Variants in RTN1 observed in about 807,000 individuals in gnomAD.
RTN1 encodes reticulon-1.
In RTN1, 25 loss-of-function variants were observed where a neutral mutation model predicts 65.5. The ratio of observed to expected loss-of-function variants is 0.38; its 90% CI spans 0.28 to 0.53. The LOEUF (loss-of-function observed/expected upper bound fraction) is 0.53, where lower values mean the gene tolerates loss of function less well. Among genes scored for constraint, RTN1 ranks in the 20% least tolerant of loss-of-function variants. The pLI is 0.79. For synonymous variants in RTN1, 471 were observed against 447.6 expected (o/e 1.05, Z -0.66); for missense variants, 983 against 1,025.4 (o/e 0.96, Z 0.57).
chr14:59,685,937 G>C (rs138841682), intron 3 of RTN1, among the ~76,000 whole-genome samples: 2 of 152,078 alleles, frequency 1.3e-5, no homozygotes, highest in African/African-American at 4.8e-5. Context: ...AAAGCTATAG[G>C]AACCAAAACT....
chr14:59,828,027 G>T (rs1222688081), intron 1 of RTN1, among the ~76,000 whole-genome samples: 2 of 152,138 alleles, frequency 1.3e-5, no homozygotes, highest in Non-Finnish European at 2.9e-5. Flanking sequence ...ACCCTATCTA[G>T]CTCCCAGGAA....
chr14:59,849,107 T>C lies in RTN1; in HGVS notation c.241+21283A>G, dbSNP rs1245136625. Among the ~76,000 whole-genome samples the C allele has an allele frequency of 3.3e-5, 5 of 152,180 alleles. No homozygotes were observed. Among genetic ancestry groups the C allele is most frequent in the African/African-American group, 7.2e-5 (3 of 41,428 alleles). ...AGTTTATGGCCTTGGTTGGAAACAA[T>C]AGAATTATGCAAATTAGTTGTCACC... On this transcript the variant is annotated intron_variant, in intron 1 of 8. Transcript: ENST00000267484. This position sits in a 1 kb window ranked among gnomAD's most constrained non-coding sequence, Gnocchi z 4.5.
chr14:59,777,419 G>A (rs983940434), intron 1 of RTN1, among the ~76,000 whole-genome samples: 1 of 152,108 alleles, frequency 6.6e-6, no homozygotes, highest in Non-Finnish European at 1.5e-5. Context: ...CTGCAACAAG[G>A]CTACACACAT....
At position 59,746,303 on chromosome 14, in the gene RTN1, A is replaced by G. The variant is rs772948992; in HGVS notation, c.420T>C (p.Pro140=). The change falls in exon 2 of 9, where the codon CCT becomes CCC. Residue 140 remains proline, a synonymous_variant. Coordinates refer to ENST00000267484, the MANE Select transcript of RTN1 (RefSeq NM_021136.3). ...AGGGGCCGGGTGTACCCAGCTCCTC[A>G]GGGCTCTCTGAAATGGTGACGTGGC... is the stretch of plus-strand genomic sequence containing the variant. ...ENGHVTISES[P]EELGTPGPSL... is the part of the protein sequence containing the mutation. 6.2e-7 allele frequency: 1 copy of G among 1,614,120 alleles called. No individual in the cohort carries two copies. The highest frequency in any genetic ancestry group is 1.1e-5 in the South Asian group (1 of 91,084).
intron 3 of RTN1, among the ~76,000 whole-genome samples, chr14:59,680,841 T>A (rs1883731102): frequency 6.6e-6 from 1 of 152,198 alleles, no homozygotes; most frequent in Non-Finnish European, 1.5e-5. Context: ...GTGATAGGCA[T>A]CTTTATGCTG....
rs1431849687 is a variant in RTN1 at position 59,803,924 on chromosome 14, A to G, written c.242-57443T>C. ...ATTTTAGAACAGGTTTGGTTTACAT[A>G]AAAGTTGTGGAAATTGTACAAAGCA... On this transcript the variant is annotated intron_variant, in intron 1 of 8. Transcript: ENST00000267484. The surrounding 1 kb of genome is among the most constrained non-coding windows in gnomAD (Gnocchi z 5.6). Among the ~76,000 whole-genome samples the G allele has an allele frequency of 2.0e-5, 3 of 152,250 alleles. No homozygotes were observed. The highest frequency in any genetic ancestry group is 2.9e-5 in the Non-Finnish European group (2 of 68,040).
At chr14:59,749,958 A>ATATATATTATATACATATAT (rs1244989179) in intron 1 of RTN1, among the ~76,000 whole-genome samples, 16 of 102,422 alleles carry the variant, frequency 1.6e-4, no homozygotes, top group Admixed American at 4.9e-4. Context: ...TATATGTTAT[A>ATATATATTATATACATATAT]TATATATTAT....
intron 3 of RTN1, among the ~76,000 whole-genome samples, chr14:59,682,582 T>A (rs757032763): frequency 6.6e-6 from 1 of 152,172 alleles, no homozygotes; most frequent in Non-Finnish European, 1.5e-5. Context: ...AACACAAGTG[T>A]TTCTGTTTAC....
chr14:59,649,013 C>G (rs1019122708), intron 3 of RTN1, among the ~76,000 whole-genome samples: 1 of 152,122 alleles, frequency 6.6e-6, no homozygotes. Flanking sequence ...TTACTTATGA[C>G]AAGGCTAGAG....
intron 1 of RTN1, among the ~76,000 whole-genome samples, chr14:59,848,439 G>A (rs1887447639): frequency 6.6e-6 from 1 of 152,114 alleles, no homozygotes; most frequent in South Asian, 2.1e-4. Flanking sequence ...TAACTGTCAA[G>A]AATTGTTTTA....
intron 1 of RTN1, among the ~76,000 whole-genome samples, chr14:59,748,800 G>T (rs534768510): frequency 1.3e-5 from 2 of 151,770 alleles, no homozygotes; most frequent in Admixed American, 1.3e-4. Context: ...ATATTTTTGT[G>T]GGGGCGGAGG....
intron 1 of RTN1, among the ~76,000 whole-genome samples, chr14:59,755,869 T>C (rs1296170684): frequency 6.6e-6 from 1 of 152,160 alleles, no homozygotes; most frequent in Non-Finnish European, 1.5e-5. Context: ...CTGATGAACA[T>C]GTTTGGGGGT....
chr14:59,810,911 A>T (rs146150473), intron 1 of RTN1, among the ~76,000 whole-genome samples: 1 of 152,206 alleles, frequency 6.6e-6, no homozygotes, highest in Non-Finnish European at 1.5e-5. Context: ...GATCCTAGAG[A>T]CCCTTTATTA....
chr14:59,711,607 A>G (rs1884419773), intron 3 of RTN1, among the ~76,000 whole-genome samples: 1 of 152,240 alleles, frequency 6.6e-6, no homozygotes, highest in African/African-American at 2.4e-5. Flanking sequence ...CCATTCACTT[A>G]TTTATTAAAT....
chr14:59,732,022 T>C (rs1268336639), intron 2 of RTN1, among the ~76,000 whole-genome samples: 1 of 152,234 alleles, frequency 6.6e-6, no homozygotes, highest in East Asian at 1.9e-4. Context: ...TGTTGTACAA[T>C]GTTCTAGAGA....
chr14:59,607,317 T>A lies in RTN1; in HGVS notation c.1941A>T (p.Ala647=), dbSNP rs2140163843. Residue 647 remains alanine (A), a synonymous_variant, in exon 4 of 9, where the codon GCA becomes GCT. Transcript: ENST00000267484. ...SFRIYKSVLQ[A]VQKTDEGHPF... The stretch of plus-strand genomic sequence containing the variant: ...GGTGGCCTTCGTCGGTTTTCTGCAC[T>A]GCTTGTAAAACAGACTTGTAGATGC... 1 of 1,614,182 alleles carries A rather than the reference T, an allele frequency of 6.2e-7. No homozygotes were observed. Among genetic ancestry groups the A allele is most frequent in the Non-Finnish European group, 8.5e-7 (1 of 1,180,016 alleles).
chr14:59,801,134 T>C (rs568070689), intron 1 of RTN1, among the ~76,000 whole-genome samples: 1 of 152,116 alleles, frequency 6.6e-6, no homozygotes, highest in Admixed American at 6.5e-5. Context: ...TACATGTAAT[T>C]AGAATCTCAG....
intron 1 of RTN1, among the ~76,000 whole-genome samples, chr14:59,783,944 T>C (rs1245585789): frequency 6.6e-6 from 1 of 151,904 alleles, no homozygotes; most frequent in Non-Finnish European, 1.5e-5. Flanking sequence ...ACTGGTGGTT[T>C]AAATGCACAT....
intron 2 of RTN1, among the ~76,000 whole-genome samples, chr14:59,734,308 A>G (rs766791585): frequency 6.6e-6 from 1 of 152,248 alleles, no homozygotes; most frequent in Non-Finnish European, 1.5e-5. Context: ...TGAAAACTCA[A>G]AAAGCTAGAG....
Sources: allele counts gnomAD v4.1 joint callset (sites outside exome capture counted in the v4.1 genomes callset), GRCh38; gene constraint gnomAD v4.1.1; non-coding constraint Gnocchi (gnomAD v3.1); transcripts MANE v1.5; gene names NCBI Gene and HGNC (gene_info 2026-07-23, HGNC 2026-07-21).